Variants in NAALADL2 observed in about 807,000 individuals in gnomAD.
The protein encoded by NAALADL2 is N-acetylated alpha-linked acidic dipeptidase like 2, also known as inactive N-acetylated-alpha-linked acidic dipeptidase-like protein 2.
NAALADL2 carries 76 observed loss-of-function variants against 87.2 expected under a neutral mutation model. The observed-to-expected ratio is 0.87, with a 90% CI of 0.72 to 1.05. NAALADL2 has a LOEUF of 1.05. Ranked by LOEUF, NAALADL2 falls within the 50% of genes least tolerant of loss-of-function variation. The pLI, the probability that NAALADL2 is intolerant of heterozygous loss-of-function variation, is 0.00. For synonymous variants in NAALADL2, 354 were observed against 331.0 expected (o/e 1.07, Z -0.75); for missense variants, 1,089 against 945.8 (o/e 1.15, Z -1.99).
chr3:175,600,093 T>C (rs1249284323), intron 10 of NAALADL2, among the ~76,000 whole-genome samples: 1 of 152,018 alleles, frequency 6.6e-6, no homozygotes, highest in Admixed American at 6.6e-5. Flanking sequence ...ATTTTATATA[T>C]GTGCATGTAT....
Position 175,421,929 on chromosome 3 carries a change from C to G in NAALADL2, c.1091-25300C>G, listed in dbSNP as rs564214446. Among the ~76,000 whole-genome samples the G allele has an allele frequency of 3.9e-5, 6 of 152,080 alleles. No individual in the cohort carries two copies. The East Asian group carries it at 5.8e-4, about 15-fold the overall frequency. On this transcript the variant is annotated intron_variant, in intron 5 of 13. Coordinates refer to ENST00000454872, the MANE Select transcript of NAALADL2 (RefSeq NM_207015.3). ...AGGCCTCTGACAGCAAATACAAATA[C>G]CCTGGTGAAGGAGTTTGTCTGCTGT...
At chr3:175,691,257 AT>A (rs1202029930) in intron 11 of NAALADL2, among the ~76,000 whole-genome samples, 1 of 148,012 alleles carries the variant, frequency 6.8e-6, no homozygotes, top group Non-Finnish European at 1.5e-5. Flanking sequence ...CACACAGATA[AT>A]ATATATATAT....
intron 1 of NAALADL2, among the ~76,000 whole-genome samples, chr3:174,936,962 T>C (rs1737782963): frequency 1.3e-5 from 2 of 152,264 alleles, no homozygotes; most frequent in East Asian, 3.9e-4. Flanking sequence ...AAATTGTTTA[T>C]TTTAAATATG....
At chr3:174,685,154 A>G (rs1381151885) in intron 2 of NAALADL2, among the ~76,000 whole-genome samples, 1 of 152,048 alleles carries the variant, frequency 6.6e-6, no homozygotes, top group Non-Finnish European at 1.5e-5. Flanking sequence ...AACTTTCCTA[A>G]AGTCAGCTAT....
chr3:175,113,566 T>C (rs1273883287), intron 2 of NAALADL2, among the ~76,000 whole-genome samples: 1 of 151,540 alleles, frequency 6.6e-6, no homozygotes, highest in African/African-American at 2.4e-5. Flanking sequence ...CTTGGATAGT[T>C]GCAGGAGACA....
intron 1 of NAALADL2, among the ~76,000 whole-genome samples, chr3:174,941,231 T>G (rs1476129830): frequency 1.3e-5 from 2 of 152,186 alleles, no homozygotes; most frequent in Non-Finnish European, 2.9e-5. Flanking sequence ...AAAGAACTTC[T>G]TGATTTCTGC....
rs1215577925 is a variant in NAALADL2 at position 175,633,155 on chromosome 3, C to T, written c.1896+5769C>T. 3.9e-5 allele frequency among the ~76,000 whole-genome samples: 6 copies of T among 152,106 alleles called. No homozygotes were observed. The East Asian group carries it at 9.7e-4, about 24-fold the overall frequency. The stretch of plus-strand genomic sequence containing the variant: ...AGAAAATGTTCAAAAGAGTATTCAC[C>T]CAATCAACTGCTCACTCATTATAAC... On this transcript the variant is annotated intron_variant, in intron 11 of 13. Coordinates refer to ENST00000454872, the MANE Select transcript of NAALADL2 (RefSeq NM_207015.3).
At chr3:174,865,229 A>T (rs1288035160) in intron 1 of NAALADL2, among the ~76,000 whole-genome samples, 1 of 152,086 alleles carries the variant, frequency 6.6e-6, no homozygotes, top group Non-Finnish European at 1.5e-5. Context: ...CCAACTAAAA[A>T]AGTCGAAAGA....
At chr3:174,997,510 T>C (rs1409698986) in intron 1 of NAALADL2, among the ~76,000 whole-genome samples, 1 of 151,990 alleles carries the variant, frequency 6.6e-6, no homozygotes, top group South Asian at 2.1e-4. Context: ...GAGAAAATGC[T>C]AAATTGTGAA....
intron 12 of NAALADL2, among the ~76,000 whole-genome samples, chr3:175,747,357 A>G (rs527991680): frequency 6.6e-5 from 10 of 152,286 alleles, no homozygotes; most frequent in African/African-American, 2.4e-4. Flanking sequence ...TTTATATGTG[A>G]CACTACATTG....
At chr3:174,654,158 A>G (rs548859306) in intron 2 of NAALADL2, among the ~76,000 whole-genome samples, 1 of 151,970 alleles carries the variant, frequency 6.6e-6, no homozygotes, top group East Asian at 1.9e-4. Flanking sequence ...GGCATACAGA[A>G]AAGGAGAAAG....
chr3:174,495,281 A>G (rs2108357712), intron 1 of NAALADL2, among the ~76,000 whole-genome samples: 1 of 146,664 alleles, frequency 6.8e-6, no homozygotes, highest in East Asian at 2.1e-4. Flanking sequence ...AAAAAAAAAA[A>G]CAGCCTTACT....
At chr3:174,830,712 C>T (rs1436874185) in intron 3 of NAALADL2, among the ~76,000 whole-genome samples, 1 of 152,082 alleles carries the variant, frequency 6.6e-6, no homozygotes, top group African/African-American at 2.4e-5. Flanking sequence ...TGGCCATTTT[C>T]ACGATATTGA....
rs187394215 is a variant in NAALADL2 at position 175,809,252 on chromosome 3, T to C, written c.*6049T>C. On this transcript the variant is annotated 3_prime_UTR_variant, in exon 14 of 14. Coordinates refer to ENST00000454872, the MANE Select transcript of NAALADL2 (RefSeq NM_207015.3). ...AAGCAAAATGCCAGATGGTTAAGTG[T>C]AGCTCACATAATTATATTCCAAAGG... The C allele has an allele frequency of 5.9e-5, 9 of 152,062 alleles. No individual in the cohort carries two copies. The highest frequency in any genetic ancestry group is 5.9e-4 in the Admixed American group (9 of 15,216). 9.4% of individuals were successfully genotyped at this position (152,062 alleles called of 1,614,324 possible).
rs553103359 is a variant in NAALADL2 at position 174,966,842 on chromosome 3, G to T, written c.43+107392G>T. ...ATCAAGTATTGATTGTAGGTATAGG[G>T]TTAGAGAAATTGAGACGATCTGAAT... On this transcript the variant is annotated intron_variant, in intron 1 of 13. Coordinates refer to ENST00000454872, the MANE Select transcript of NAALADL2 (RefSeq NM_207015.3). 3.9e-5 allele frequency among the ~76,000 whole-genome samples: 6 copies of T among 152,266 alleles called. 1 individual carries two copies. Among genetic ancestry groups the T allele is most frequent in the South Asian group, 4.1e-4 (2 of 4,830 alleles).
chr3:174,985,560 C>T (rs1219004300), intron 1 of NAALADL2, among the ~76,000 whole-genome samples: 1 of 152,126 alleles, frequency 6.6e-6, no homozygotes, highest in Non-Finnish European at 1.5e-5. Context: ...TCTGTGTGAA[C>T]GTTGGCTGCT....
chr3:175,056,185 G>C (rs1712125410), intron 1 of NAALADL2, among the ~76,000 whole-genome samples: 1 of 152,094 alleles, frequency 6.6e-6, no homozygotes, highest in Admixed American at 6.5e-5. Flanking sequence ...TAATGAGGGG[G>C]TACAGAAGGG....
At chr3:175,045,178 T>C (rs893091232) in intron 1 of NAALADL2, among the ~76,000 whole-genome samples, 5 of 152,148 alleles carry the variant, frequency 3.3e-5, no homozygotes, top group Non-Finnish European at 7.4e-5. Flanking sequence ...CTCTTCCCAC[T>C]TGAATTTCTG....
intron 11 of NAALADL2, among the ~76,000 whole-genome samples, chr3:175,724,609 G>A (rs1473122613): frequency 6.6e-6 from 1 of 152,106 alleles, no homozygotes; most frequent in East Asian, 1.9e-4. Context: ...ATTGCATACA[G>A]TAAGGGTCAC....
Sources: allele counts gnomAD v4.1 joint callset (sites outside exome capture counted in the v4.1 genomes callset), GRCh38; gene constraint gnomAD v4.1.1; transcripts MANE v1.5; gene names NCBI Gene and HGNC (gene_info 2026-07-23, HGNC 2026-07-21).